The following PLCH1 variants were observed in gnomAD, a reference collection of about 807,000 sequenced individuals.
PLCH1 encodes the protein phospholipase C eta 1.
Under a neutral mutation model 126.7 loss-of-function variants are expected in PLCH1, and 60 were observed. The ratio of observed to expected loss-of-function variants is 0.47; its 90% CI spans 0.38 to 0.59. The LOEUF is 0.59. PLCH1 is among the 20% of genes least tolerant of loss of function. The pLI is 0.00. For missense variants in PLCH1, 1,723 were observed against 2,040.0 expected (o/e 0.84, Z 2.99); for synonymous variants, 719 against 734.9 (o/e 0.98, Z 0.35).
rs149777009 is a variant in PLCH1, at chr3:155,599,521, A to C, written c.80-3143T>G. ...GGGGGGACTGGGGATGCTGGTTAAG[A>C]CTTTGATCCACCAGCAATGAGAGGC... On this transcript the variant is annotated intron_variant, in intron 2 of 22. Transcript: ENST00000460012. Among the ~76,000 whole-genome samples the C allele has an allele frequency of 5.4e-3, 819 of 152,292 alleles. 7 individuals carry two copies. Among genetic ancestry groups the C allele is most frequent in the African/African-American group, 0.019 (770 of 41,560 alleles).
chr3:155,492,629 T>G (rs925113762), intron 18 of PLCH1, 100 bp downstream of exon 18: 1 of 1,129,414 alleles, frequency 8.9e-7, no homozygotes, highest in African/African-American at 1.6e-5. Context: ...TGCTCAGTTA[T>G]GAACACACAT....
At chr3:155,619,398 A>G (rs796780563) in intron 2 of PLCH1, among the ~76,000 whole-genome samples, 5 of 151,866 alleles carry the variant, frequency 3.3e-5, no homozygotes, top group African/African-American at 9.7e-5. Context: ...ATACTCCAAC[A>G]AATTCATATA....
chr3:155,475,636 A>G (rs1713512651), downstream of PLCH1, among the ~76,000 whole-genome samples: 1 of 152,126 alleles, frequency 6.6e-6, no homozygotes, highest in Non-Finnish European at 1.5e-5. Flanking sequence ...GAGACATTAC[A>G]ACTGATATTG....
intron 2 of PLCH1, among the ~76,000 whole-genome samples, chr3:155,689,682 A>AAGGATT (rs1454317020): frequency 1.3e-5 from 2 of 152,102 alleles, no homozygotes; most frequent in East Asian, 3.9e-4. Flanking sequence ...AAGCAGAAGA[A>AAGGATT]AGGATTAGTG....
chr3:155,461,218 C>T (rs1712713135), intron 21 of PLCH1, among the ~76,000 whole-genome samples: 2 of 152,162 alleles, frequency 1.3e-5, no homozygotes. Context: ...ATAGATCAAT[C>T]AACTTGAATG....
chr3:155,603,476 G>A (rs533058388), intron 2 of PLCH1, among the ~76,000 whole-genome samples: 1 of 152,284 alleles, frequency 6.6e-6, no homozygotes, highest in East Asian at 1.9e-4. Flanking sequence ...TTTATGGCAT[G>A]GCAGCTTGAT....
chr3:155,735,483 A>T (rs1335905057), intron 1 of PLCH1, among the ~76,000 whole-genome samples: 1 of 152,080 alleles, frequency 6.6e-6, no homozygotes, highest in Non-Finnish European at 1.5e-5. Flanking sequence ...AAAATACAAA[A>T]ATTAGCCGGG....
intron 2 of PLCH1, among the ~76,000 whole-genome samples, chr3:155,671,296 T>C (rs1743417535): frequency 6.6e-6 from 1 of 152,194 alleles, no homozygotes; most frequent in Admixed American, 6.5e-5. Flanking sequence ...TAGTAGTAGG[T>C]ACTCGATTTT....
chr3:155,614,511 TCACA>T, intron 2 of PLCH1, among the ~76,000 whole-genome samples: 1 of 151,710 alleles, frequency 6.6e-6, no homozygotes, highest in Non-Finnish European at 1.5e-5. Context: ...TCTGGAGGCA[TCACA>T]TTACCCAACT....
intron 8 of PLCH1, among the ~76,000 whole-genome samples, chr3:155,563,491 C>T (rs1727906112): frequency 6.6e-6 from 1 of 152,090 alleles, no homozygotes; most frequent in Non-Finnish European, 1.5e-5. Context: ...AAGTTTACCT[C>T]TTCAATACTG....
At chr3:155,606,037 G>T (rs1027941096) in intron 2 of PLCH1, among the ~76,000 whole-genome samples, 5 of 152,058 alleles carry the variant, frequency 3.3e-5, no homozygotes, top group Non-Finnish European at 7.4e-5. Context: ...GGTAAAAAGA[G>T]ATTTTAAAGA....
intron 2 of PLCH1, among the ~76,000 whole-genome samples, chr3:155,699,533 A>C (rs1389505473): frequency 6.6e-6 from 1 of 152,188 alleles, no homozygotes; most frequent in African/African-American, 2.4e-5. Context: ...ATGCTACTCT[A>C]ACATAAAATC....
At chr3:155,618,999 G>A (rs142994697) in intron 2 of PLCH1, among the ~76,000 whole-genome samples, 2 of 152,132 alleles carry the variant, frequency 1.3e-5, no homozygotes, top group Non-Finnish European at 2.9e-5. Context: ...TTTTTGGAGA[G>A]TCAGTCAGGG....
chr3:155,621,220 C>G (rs1291784902), intron 2 of PLCH1, among the ~76,000 whole-genome samples: 4 of 152,156 alleles, frequency 2.6e-5, no homozygotes, highest in African/African-American at 7.2e-5. Context: ...GTATGAACAT[C>G]AACAAAAAGG....
chr3:155,480,996 G>A lies in PLCH1; in HGVS notation c.5030C>T (p.Pro1677Leu), dbSNP rs1470415852. Reference protein sequence around the residue: ...LQTEPSSDDKPEIYFLLRL With the variant: ...LQTEPSSDDKLEIYFLLRL ...CAGTCTCAAAAGAAAATAAATTTCT[G>A]GTTTATCATCACTGCTTGGCTCAGT... Residue 1677 changes from proline to leucine, a missense_variant, in exon 23 of 23, where the codon CCA becomes CTA. This residue lies in a region of PLCH1 where 947 missense variants were observed against 977.1 expected (regional missense o/e 0.97). Coordinates refer to ENST00000460012, the MANE Select transcript of PLCH1 (RefSeq NM_014996.4). 4.4e-6 allele frequency: 7 copies of A among 1,591,002 alleles called. No individual in the cohort carries two copies. Among genetic ancestry groups the A allele is most frequent in the Admixed American group, 1.7e-5 (1 of 57,534 alleles).
At chr3:155,465,022 T>A (rs1712874986) in intron 21 of PLCH1, among the ~76,000 whole-genome samples, 1 of 149,122 alleles carries the variant, frequency 6.7e-6, no homozygotes, top group South Asian at 2.1e-4. Context: ...GGCAGGAGAA[T>A]GGTGTGAACC....
intron 2 of PLCH1, among the ~76,000 whole-genome samples, chr3:155,643,675 T>C (rs1577225213): frequency 6.6e-6 from 1 of 152,208 alleles, no homozygotes; most frequent in South Asian, 2.1e-4. Context: ...TCCATTTCAT[T>C]GGACCTGCCA....
At chr3:155,743,612 A>T (rs1430345721) in intron 1 of PLCH1, 7 of 435,924 alleles carry the variant, frequency 1.6e-5, no homozygotes, top group Admixed American at 8.4e-5. Context: ...TTCTCTGCAG[A>T]AGACTTTAAC....
In PLCH1 at chr3:155,481,486, C is replaced by T. The variant is rs1417236936; in HGVS notation, c.4540G>A (p.Gly1514Ser). The T allele has an allele frequency of 2.5e-6, 4 of 1,614,046 alleles. No homozygotes were observed. The African/African-American group carries it at 5.3e-5, about 22-fold the overall frequency. The change falls in exon 23 of 23, where the codon GGC becomes AGC. Residue 1514 changes from glycine (G) to serine (S), a missense_variant. Gly to Ser is a moderately conservative substitution (Grantham distance 56). Coordinates refer to ENST00000460012, the MANE Select transcript of PLCH1 (RefSeq NM_014996.4). This position sits in a 1 kb window ranked among gnomAD's most constrained non-coding sequence, Gnocchi z 4.2. ...GTCACGCCCTTCTTGTCTCTAATGC[C>T]AGTTGTAACAAAACTCTTACTAATA... The part of the protein sequence containing the change: ...QCISKSFVTT[G>S]IRDKKGVTVK...
Sources: gnomAD v4.1 joint callset for allele counts (sites outside exome capture counted in the v4.1 genomes callset) on GRCh38, gnomAD v4.1.1 for gene constraint, gnomAD v4.1.1 regional missense constraint, Gnocchi (gnomAD v3.1) non-coding constraint, MANE v1.5 for transcripts, NCBI Gene and HGNC (gene_info 2026-07-23, HGNC 2026-07-21) for gene names.